Variants in SLA observed in about 807,000 individuals in gnomAD.
SLA encodes the protein Src like adaptor, also known as src-like-adapter.
In SLA, 16 loss-of-function variants were observed where a neutral mutation model predicts 30.3. The observed-to-expected ratio is 0.53, with a 90% confidence interval of 0.36 to 0.80. SLA has a LOEUF of 0.80. SLA is among the 30% of genes least tolerant of loss of function. The pLI, the probability that SLA is intolerant of heterozygous loss-of-function variation, is 0.01. For synonymous variants in SLA, 143 were observed against 137.8 expected (o/e 1.04, Z -0.26); for missense variants, 310 against 345.2 (o/e 0.90, Z 0.81).
At chr8:133,089,861 TA>T (rs1303844675) in intron 1 of SLA, 3 of 152,324 alleles carry the variant, frequency 2.0e-5, no homozygotes, top group African/African-American at 7.2e-5. Flanking sequence ...TCCTCCCATT[TA>T]TTTCCTCCCA....
At chr8:133,071,118 G>A (rs1016495286) in intron 2 of SLA, among the ~76,000 whole-genome samples, 10 of 152,134 alleles carry the variant, frequency 6.6e-5, no homozygotes, top group Admixed American at 3.3e-4. Flanking sequence ...GATTGGTGCC[G>A]TCCCTTGATG....
At chr8:133,055,545 G>A (rs775679667) in intron 3 of SLA, among the ~76,000 whole-genome samples, 15 of 152,024 alleles carry the variant, frequency 9.9e-5, no homozygotes, top group African/African-American at 2.9e-4. Flanking sequence ...TTTGAGACCC[G>A]GTAGCCCACA....
At chr8:133,083,016 C>T (rs990049252) in intron 1 of SLA, among the ~76,000 whole-genome samples, 4 of 152,096 alleles carry the variant, frequency 2.6e-5, no homozygotes, top group South Asian at 2.1e-4. Context: ...CACTTAGTGG[C>T]GTGGGGCAGA....
intron 1 of SLA, among the ~76,000 whole-genome samples, chr8:133,076,952 G>A (rs1434104476): frequency 6.6e-6 from 1 of 152,138 alleles, no homozygotes; most frequent in East Asian, 1.9e-4. Flanking sequence ...TCCCCTAGGA[G>A]GAGTCCTATG....
At chr8:133,079,870 A>G (rs192995075) in intron 1 of SLA, among the ~76,000 whole-genome samples, 3 of 152,150 alleles carry the variant, frequency 2.0e-5, no homozygotes, top group African/African-American at 4.8e-5. Context: ...TGGGATTCCC[A>G]TATCAAACCA....
rs561508365 is a variant in SLA at position 133,050,981 on chromosome 8, G to A, written c.62-66C>T. The A allele has an allele frequency of 1.4e-4, 122 of 871,202 alleles. 1 individual carries two copies. The highest frequency in any genetic ancestry group is 2.3e-4 in the Non-Finnish European group (116 of 514,016). The allele number at this position is 871,202 out of a possible 1,614,324, so 54.0% of individuals were successfully genotyped here. On this transcript the variant is annotated intron_variant, in intron 3 of 8. Coordinates refer to ENST00000338087, the MANE Select transcript of SLA (RefSeq NM_001045556.3). ...TTTATTCACAAGGAGCTTAAAGGTA[G>A]GCTTGGGAGGGAGGGTATGAAGATG...
chr8:133,063,207 G>C (rs565284336), intron 2 of SLA, among the ~76,000 whole-genome samples: 2 of 151,904 alleles, frequency 1.3e-5, no homozygotes, highest in South Asian at 4.2e-4. Context: ...TCAACACCTA[G>C]TGATTGTGCC....
intron 1 of SLA, among the ~76,000 whole-genome samples, chr8:133,098,640 T>C (rs887285712): frequency 3.3e-5 from 5 of 152,300 alleles, no homozygotes; most frequent in Non-Finnish European, 7.4e-5. Flanking sequence ...TAATTTTATA[T>C]TCCCAGGAGC....
At chr8:133,079,319 A>G (rs1467598961) in intron 1 of SLA, among the ~76,000 whole-genome samples, 2 of 152,254 alleles carry the variant, frequency 1.3e-5, no homozygotes, top group Non-Finnish European at 2.9e-5. Flanking sequence ...TAATGACCAT[A>G]GGCAAATAAT....
At chr8:133,089,380 A>G (rs1847140729) in intron 1 of SLA, among the ~76,000 whole-genome samples, 1 of 152,172 alleles carries the variant, frequency 6.6e-6, no homozygotes, top group Non-Finnish European at 1.5e-5. Context: ...CCTGCTGAGC[A>G]CTACCAACCA....
chr8:133,038,330 C>G lies in SLA; in HGVS notation c.*194G>C. On this transcript the variant is annotated 3_prime_UTR_variant, in exon 9 of 9. Transcript: ENST00000338087. ...TGTTTCGTGATGCCACAGCCCTGATCAGACACCAGGGAGGGGTTCCTTTGG... is the reference window on the plus strand; with the variant it reads ...TGTTTCGTGATGCCACAGCCCTGATGAGACACCAGGGAGGGGTTCCTTTGG... 1.7e-6 allele frequency: 1 copy of G among 603,884 alleles called. No individual in the cohort carries two copies. Among genetic ancestry groups the G allele is most frequent in the Non-Finnish European group, 2.9e-6 (1 of 340,142 alleles). The allele number at this position is 603,884 out of a possible 1,614,324, so 37.4% of individuals were successfully genotyped here. A position where few individuals can be genotyped will look rare whatever the true frequency, so the allele number is the denominator to read the frequency against.
chr8:133,050,564 G>C, intron 4 of SLA: 1 of 422,262 alleles, frequency 2.4e-6, no homozygotes, highest in South Asian at 3.4e-5. Flanking sequence ...GAAGAGGCTG[G>C]ATCATAAAGG....
intron 2 of SLA, among the ~76,000 whole-genome samples, chr8:133,067,926 AG>A: frequency 6.7e-6 from 1 of 149,364 alleles, no homozygotes; most frequent in Non-Finnish European, 1.5e-5. Context: ...AAAGAGAGAG[AG>A]AGAGAAAGAA....
At chr8:133,046,077 G>A (rs1278663058) in intron 6 of SLA, among the ~76,000 whole-genome samples, 1 of 152,194 alleles carries the variant, frequency 6.6e-6, no homozygotes, top group Admixed American at 6.5e-5. Flanking sequence ...ATATGGGTTG[G>A]TAAGAGTAGA....
At chr8:133,097,697 A>T (rs1322627855) in intron 1 of SLA, among the ~76,000 whole-genome samples, 1 of 152,262 alleles carries the variant, frequency 6.6e-6, no homozygotes, top group East Asian at 1.9e-4. Flanking sequence ...ACAACATGCA[A>T]TTAACATTGG....
At chr8:133,078,905 G>T (rs565241711) in intron 1 of SLA, among the ~76,000 whole-genome samples, 1 of 152,280 alleles carries the variant, frequency 6.6e-6, no homozygotes, top group South Asian at 2.1e-4. Flanking sequence ...AGAGGAGACA[G>T]ACACACATAT....
At chr8:133,060,603 G>A (rs1842228227) in intron 2 of SLA, among the ~76,000 whole-genome samples, 1 of 152,210 alleles carries the variant, frequency 6.6e-6, no homozygotes, top group African/African-American at 2.4e-5. Context: ...TACAGGAGTT[G>A]TGTGTCTGTA....
At chr8:133,088,467 G>C (rs1349066553) in intron 1 of SLA, among the ~76,000 whole-genome samples, 1 of 152,102 alleles carries the variant, frequency 6.6e-6, no homozygotes, top group Non-Finnish European at 1.5e-5. Context: ...TATGACCTTG[G>C]AAAAATTACC....
At chr8:133,047,480 A>T (rs1839644497) in intron 6 of SLA, 1 of 239,084 alleles carries the variant, frequency 4.2e-6, no homozygotes, top group Non-Finnish European at 8.4e-6. Context: ...AGAGCTTGAG[A>T]GCACAGCCCA....
Sources: allele counts gnomAD v4.1 joint callset (sites outside exome capture counted in the v4.1 genomes callset), GRCh38; gene constraint gnomAD v4.1.1; transcripts MANE v1.5; gene names NCBI Gene and HGNC (gene_info 2026-07-23, HGNC 2026-07-21).